PPM1E: variants seen among roughly 807,000 people sequenced by gnomAD.
PPM1E encodes protein phosphatase, Mg2+/Mn2+ dependent 1E, also known as protein phosphatase 1E.
In PPM1E, 20 loss-of-function variants were observed where a neutral mutation model predicts 65.9. The ratio of observed to expected loss-of-function variants is 0.30; its 90% confidence interval spans 0.21 to 0.44. The LOEUF is 0.44. Among genes scored for constraint, PPM1E ranks in the 20% least tolerant of loss-of-function variants. PPM1E has a pLI of 1.00. For missense variants in PPM1E, 713 were observed against 953.1 expected (o/e 0.75, Z 3.32); for synonymous variants, 352 against 374.9 (o/e 0.94, Z 0.70).
At chr17:58,812,247 C>T (rs933789119) in intron 1 of PPM1E, among the ~76,000 whole-genome samples, 1 of 129,654 alleles carries the variant, frequency 7.7e-6, no homozygotes, top group Non-Finnish European at 1.5e-5. Context: ...GAGCTTGTAA[C>T]GAGCCCACAT....
At chr17:58,796,097 G>T (rs1212679981) in intron 1 of PPM1E, among the ~76,000 whole-genome samples, 2 of 152,072 alleles carry the variant, frequency 1.3e-5, no homozygotes, top group East Asian at 3.8e-4. Flanking sequence ...CTGTCACCCA[G>T]GCTGGAGTGC....
At chr17:58,769,760 C>T (rs1448200378) in intron 1 of PPM1E, among the ~76,000 whole-genome samples, 1 of 151,968 alleles carries the variant, frequency 6.6e-6, no homozygotes, top group Non-Finnish European at 1.5e-5. Context: ...GGTGTGGTGG[C>T]TCATGCCTGT....
At chr17:58,960,472 A>G (rs2029994852) in intron 2 of PPM1E, among the ~76,000 whole-genome samples, 1 of 152,164 alleles carries the variant, frequency 6.6e-6, no homozygotes, top group Non-Finnish European at 1.5e-5. Flanking sequence ...CTAGTTTTAA[A>G]TAACAATTAA....
At chr17:58,838,984 A>G (rs1178504286) in intron 1 of PPM1E, among the ~76,000 whole-genome samples, 2 of 152,180 alleles carry the variant, frequency 1.3e-5, no homozygotes, top group Non-Finnish European at 2.9e-5. Flanking sequence ...TTATGGTGGC[A>G]GTAAAAAGAT....
At chr17:58,850,795 C>T (rs1283675790) in intron 1 of PPM1E, among the ~76,000 whole-genome samples, 1 of 152,140 alleles carries the variant, frequency 6.6e-6, no homozygotes, top group Non-Finnish European at 1.5e-5. Flanking sequence ...GTGATGTTCT[C>T]TGTATTTCCT....
intron 1 of PPM1E, among the ~76,000 whole-genome samples, chr17:58,863,402 T>G (rs2050963544): frequency 6.6e-6 from 1 of 152,204 alleles, no homozygotes; most frequent in African/African-American, 2.4e-5. Context: ...TTCTCTCCAG[T>G]GGGAGCAGGT....
chr17:58,892,535 T>G (rs1424319472), intron 1 of PPM1E, among the ~76,000 whole-genome samples: 1 of 151,926 alleles, frequency 6.6e-6, no homozygotes, highest in East Asian at 1.9e-4. Flanking sequence ...ATCACACCAC[T>G]GCACTCCAGC....
intron 1 of PPM1E, among the ~76,000 whole-genome samples, chr17:58,811,262 T>C (rs1476775751): frequency 3.3e-5 from 5 of 152,236 alleles, no homozygotes; most frequent in Non-Finnish European, 5.9e-5. Flanking sequence ...TTGAAAGGTA[T>C]TCAGGGTAAA....
chr17:58,924,919 A>G (rs964086099), intron 1 of PPM1E, among the ~76,000 whole-genome samples: 10 of 151,948 alleles, frequency 6.6e-5, no homozygotes, highest in African/African-American at 2.4e-4. Flanking sequence ...ATTCCTTTTT[A>G]TGGTTGCATA....
intron 1 of PPM1E, among the ~76,000 whole-genome samples, chr17:58,935,333 G>C (rs555968245): frequency 6.6e-6 from 1 of 152,082 alleles, no homozygotes; most frequent in South Asian, 2.1e-4. Context: ...AAGAGGATTC[G>C]GAAGTGCAAG....
intron 1 of PPM1E, among the ~76,000 whole-genome samples, chr17:58,852,610 T>G (rs28791768): frequency 6.8e-6 from 1 of 146,060 alleles, no homozygotes. Context: ...TGTTTTTTTT[T>G]GTTTTTTTTT....
At chr17:58,905,115 C>G (rs2051543239) in intron 1 of PPM1E, among the ~76,000 whole-genome samples, 2 of 152,132 alleles carry the variant, frequency 1.3e-5, no homozygotes, top group Admixed American at 6.5e-5. Context: ...TTTTTTGACT[C>G]TTTCAGATTT....
chr17:58,928,683 C>T (rs953148205), intron 1 of PPM1E, among the ~76,000 whole-genome samples: 1 of 150,786 alleles, frequency 6.6e-6, no homozygotes, highest in Non-Finnish European at 1.5e-5. Context: ...CATATATCTA[C>T]GAAATTACTC....
intron 4 of PPM1E, among the ~76,000 whole-genome samples, chr17:58,971,030 G>A (rs980346006): frequency 6.6e-6 from 1 of 151,968 alleles, no homozygotes; most frequent in African/African-American, 2.4e-5. Flanking sequence ...TGACCCTGGT[G>A]TCTCTCAGTT....
chr17:58,804,432 T>C (rs1215536070), intron 1 of PPM1E, among the ~76,000 whole-genome samples: 2 of 152,164 alleles, frequency 1.3e-5, no homozygotes, highest in Non-Finnish European at 2.9e-5. Flanking sequence ...AAAACATTAT[T>C]CTCTAACTAG....
At chr17:58,789,319 C>T (rs2050133467) in intron 1 of PPM1E, among the ~76,000 whole-genome samples, 3 of 152,188 alleles carry the variant, frequency 2.0e-5, no homozygotes, top group African/African-American at 7.2e-5. Context: ...ATACCTCATT[C>T]TTTTCCATCC....
intron 1 of PPM1E, among the ~76,000 whole-genome samples, chr17:58,773,477 C>G (rs553735284): frequency 6.6e-6 from 1 of 152,158 alleles, no homozygotes; most frequent in Non-Finnish European, 1.5e-5. Context: ...AAGAATTTCC[C>G]TGAGGTCAGG....
At chr17:58,879,501 CTTTTT>C (rs71367639) in intron 1 of PPM1E, among the ~76,000 whole-genome samples, 1 of 88,806 alleles carries the variant, frequency 1.1e-5, no homozygotes, top group Middle Eastern at 6.1e-3. Flanking sequence ...CTGAGATTAA[CTTTTT>C]TTTTTTTTTT....
At chr17:58,761,113 C>T (rs139744848) in intron 1 of PPM1E, among the ~76,000 whole-genome samples, 1 of 152,242 alleles carries the variant, frequency 6.6e-6, no homozygotes, top group Non-Finnish European at 1.5e-5. Context: ...ACTATATTCC[C>T]TACGCTGGAT....
Sources: allele counts gnomAD v4.1 joint callset (sites outside exome capture counted in the v4.1 genomes callset), GRCh38; gene constraint gnomAD v4.1.1; transcripts MANE v1.5; gene names NCBI Gene and HGNC (gene_info 2026-07-23, HGNC 2026-07-21).